ABCA4: variants seen among roughly 807,000 people sequenced by gnomAD.
ABCA4 encodes ATP binding cassette subfamily A member 4.
ABCA4 carries 196 observed loss-of-function variants against 263.7 expected under a neutral mutation model. The ratio of observed to expected loss-of-function variants is 0.74; its 90% CI spans 0.66 to 0.84. The LOEUF is 0.84. Ranked by LOEUF, ABCA4 falls within the 40% of genes least tolerant of loss-of-function variation. The pLI is 0.00. For synonymous variants in ABCA4, 1,133 were observed against 1,094.2 expected (o/e 1.04, Z -0.70); for missense variants, 2,792 against 2,855.1 (o/e 0.98, Z 0.50).
intron 16 of ABCA4, among the ~76,000 whole-genome samples, chr1:94,054,219 A>G (rs941467998): frequency 2.6e-5 from 4 of 152,266 alleles, no homozygotes; most frequent in Admixed American, 2.6e-4. Context: ...ACCAAAGGTC[A>G]GGCACTATTC....
chr1:94,044,816 C>T (rs1379802998), intron 19 of ABCA4, 72 bp from the exon 20 acceptor site: 2 of 1,608,976 alleles, frequency 1.2e-6, no homozygotes, highest in African/African-American at 1.3e-5. Flanking sequence ...CACCCCCACA[C>T]CAGGTTCAGT....
chr1:94,063,428 T>C (rs1055992172), intron 11 of ABCA4, 111 bp from the exon 12 acceptor site: 2 of 1,042,270 alleles, frequency 1.9e-6, no homozygotes, highest in Non-Finnish European at 3.0e-6. Flanking sequence ...AATGGTCAAA[T>C]GCAAGGAGGC....
rs990945316 is a variant in ABCA4, at chr1:94,031,688, T to C, written c.4128+90A>G. 1.9e-6 allele frequency: 3 copies of C among 1,551,808 alleles called. No homozygotes were observed. The African/African-American group carries it at 4.1e-5, about 21-fold the overall frequency. On this transcript the variant is annotated intron_variant, in intron 27 of 49. Coordinates refer to ENST00000370225, the MANE Select transcript of ABCA4 (RefSeq NM_000350.3). ...AAAGAGGGTGCTCCTTGCTGAGTTA[T>C]AACCCATGCCTGAAGGAACACTCAG...
intron 18 of ABCA4, 126 bp downstream of exon 18, chr1:94,048,742 G>T: frequency 1.1e-6 from 1 of 886,138 alleles, no homozygotes; most frequent in Non-Finnish European, 1.9e-6. Flanking sequence ...TTTAACACTT[G>T]TCCACAGAGA....
Position 94,111,555 on chromosome 1 carries a change from G to A in ABCA4, c.185C>T (p.Pro62Leu), listed in dbSNP as rs1057520211. The A allele has an allele frequency of 1.2e-6, 2 of 1,614,242 alleles. No individual in the cohort carries two copies. Among genetic ancestry groups the A allele is most frequent in the Non-Finnish European group, 8.5e-7 (1 of 1,180,044 alleles). The change falls in exon 3 of 50, where the codon CCC (proline) becomes CTC (leucine). Residue 62 changes from proline (P) to leucine (L), a missense_variant. Pro to Leu is a moderately conservative substitution (Grantham distance 98, BLOSUM62 -3). Coordinates refer to ENST00000370225, the MANE Select transcript of ABCA4 (RefSeq NM_000350.3). Reference protein sequence around the residue: ...HECHFPNKAMPSAGMLPWLQG... With the variant: ...HECHFPNKAMLSAGMLPWLQG... ...GAGCCACGGCAGCATTCCTGCTGAG[G>A]GCATCGCCTTGTTGGGGAAATGGCC...
intron 15 of ABCA4, among the ~76,000 whole-genome samples, 179 bp from the exon 16 acceptor site, chr1:94,055,494 G>T (rs1399715208): frequency 6.6e-6 from 1 of 152,162 alleles, no homozygotes; most frequent in Non-Finnish European, 1.5e-5. Flanking sequence ...GGAGTTCAGA[G>T]TGTCTCTCTG....
rs758119555 is a variant in ABCA4 at position 94,021,225 on chromosome 1, G to A, written c.5018+15C>T. On this transcript the variant is annotated intron_variant, in intron 35 of 49. Transcript: ENST00000370225. ...GTGACAAGAAAGTGGTGAGGCTGGGGCTGTGGTGGCTTACACTGTAATCTC... is the reference window on the plus strand; with the variant it reads ...GTGACAAGAAAGTGGTGAGGCTGGGACTGTGGTGGCTTACACTGTAATCTC... 5 of 1,614,102 alleles carry A rather than the reference G, an allele frequency of 3.1e-6. No individual in the cohort carries two copies. The South Asian group carries it at 5.5e-5, about 18-fold the overall frequency.
At chr1:94,117,573 C>T (rs527289626) in intron 1 of ABCA4, among the ~76,000 whole-genome samples, 6 of 152,294 alleles carry the variant, frequency 3.9e-5, no homozygotes, top group Admixed American at 3.9e-4. Flanking sequence ...TGACACAGCG[C>T]CAGGTCCACA....
At chr1:94,093,876 C>T (rs1263046332) in intron 6 of ABCA4, among the ~76,000 whole-genome samples, 1 of 152,172 alleles carries the variant, frequency 6.6e-6, no homozygotes, top group Non-Finnish European at 1.5e-5. Context: ...AGAAAAAATA[C>T]TAATGCTATA....
intron 11 of ABCA4, among the ~76,000 whole-genome samples, chr1:94,066,281 G>T (rs1661264645): frequency 6.6e-6 from 1 of 152,188 alleles, no homozygotes; most frequent in Non-Finnish European, 1.5e-5. Context: ...CTTCTGAACT[G>T]AACTGCTAGA....
intron 14 of ABCA4, chr1:94,059,764 AAAATGACCT>A (rs1327358995): frequency 6.6e-6 from 1 of 152,460 alleles, no homozygotes; most frequent in African/African-American, 2.4e-5. Flanking sequence ...TAAAATATAA[AAAATGACCT>A]AAATTTATAT....
intron 24 of ABCA4, among the ~76,000 whole-genome samples, chr1:94,038,634 A>G (rs1660407287): frequency 6.6e-6 from 1 of 152,224 alleles, no homozygotes; most frequent in Non-Finnish European, 1.5e-5. Context: ...TTAAGGAAGC[A>G]GCTCTGCCCT....
chr1:94,025,169 A>G, intron 30 of ABCA4, 121 bp from the exon 31 acceptor site: 1 of 828,646 alleles, frequency 1.2e-6, no homozygotes. Flanking sequence ...AAAATACTAA[A>G]TAAAGTACTG....
chr1:94,058,049 T>A (rs1040591805), intron 14 of ABCA4, among the ~76,000 whole-genome samples: 5 of 152,216 alleles, frequency 3.3e-5, no homozygotes, highest in African/African-American at 1.2e-4. Flanking sequence ...GTGGAACGAA[T>A]GTGCCATTTG....
At chr1:94,002,157 G>A (rs1183267702) in intron 44 of ABCA4, among the ~76,000 whole-genome samples, 165 bp from the exon 45 acceptor site, 3 of 152,164 alleles carry the variant, frequency 2.0e-5, no homozygotes, top group Non-Finnish European at 4.4e-5. Context: ...TGCTTCAGGC[G>A]CCAGACAGGG....
intron 1 of ABCA4, among the ~76,000 whole-genome samples, chr1:94,115,258 A>T (rs1262417138): frequency 6.6e-6 from 1 of 151,786 alleles, no homozygotes; most frequent in Admixed American, 6.6e-5. Context: ...AACACATTTG[A>T]CTCCTTTAGA....
intron 6 of ABCA4, among the ~76,000 whole-genome samples, chr1:94,097,007 TCA>T (rs926950854): frequency 1.3e-5 from 2 of 152,242 alleles, no homozygotes; most frequent in African/African-American, 4.8e-5. Flanking sequence ...GTGCTGGTAT[TCA>T]GCTGCCTGGA....
intron 6 of ABCA4, among the ~76,000 whole-genome samples, chr1:94,090,161 G>A (rs767673172): frequency 6.6e-6 from 1 of 152,120 alleles, no homozygotes; most frequent in African/African-American, 2.4e-5. Flanking sequence ...CAAACCCCAC[G>A]CTGACAGTGG....
At chr1:94,062,508 GC>G in intron 13 of ABCA4, 68 bp downstream of exon 13, 1 of 811,786 alleles carries the variant, frequency 1.2e-6, no homozygotes, top group South Asian at 1.3e-5. Flanking sequence ...GGCACCCCCA[GC>G]CCACCCCAGC....
Sources: gnomAD v4.1 joint callset for allele counts (sites outside exome capture counted in the v4.1 genomes callset) on GRCh38, gnomAD v4.1.1 for gene constraint, MANE v1.5 for transcripts, NCBI Gene and HGNC (gene_info 2026-07-23, HGNC 2026-07-21) for gene names.